The following RUNX1T1 variants were observed in gnomAD, a reference collection of about 807,000 sequenced individuals.
RUNX1T1 encodes the protein protein CBFA2T1.
A neutral mutation model predicts 62.8 loss-of-function variants in RUNX1T1; 4 were observed. The observed-to-expected ratio is 0.06, with a 90% CI of 0.03 to 0.15. RUNX1T1 has a LOEUF of 0.15. Among genes scored for constraint, RUNX1T1 ranks in the 10% least tolerant of loss-of-function variants. RUNX1T1 has a pLI of 1.00. For missense variants in RUNX1T1, 508 were observed against 754.3 expected (o/e 0.67, Z 3.82); for synonymous variants, 291 against 286.0 (o/e 1.02, Z -0.18).
Position 92,005,154 on chromosome 8 carries a change from G to A in RUNX1T1, c.621C>T (p.Leu207=), listed in dbSNP as rs373672654. 6.2e-6 allele frequency: 10 copies of A among 1,612,524 alleles called. No individual in the cohort carries two copies. The African/African-American group carries it at 9.4e-5, about 15-fold the overall frequency. The change falls in exon 5 of 11, where the codon CTC becomes CTT. Residue 207 remains leucine (L), a synonymous_variant. Coordinates refer to ENST00000396218, the Ensembl canonical transcript of RUNX1T1. The stretch of plus-strand genomic sequence containing the variant: ...GCCTCTTCCCGTTTTCGTTCACATC[G>A]AGAAGCAGCTCTGAGGAGTCAACAG...
chr8:91,987,628 C>G (rs1333161943), intron 6 of RUNX1T1, among the ~76,000 whole-genome samples: 2 of 152,044 alleles, frequency 1.3e-5, no homozygotes, highest in African/African-American at 4.8e-5. Flanking sequence ...ATCATAAATC[C>G]AAGTGAACCA....
intron 1 of RUNX1T1, among the ~76,000 whole-genome samples, chr8:92,045,996 G>T (rs987571748): frequency 6.6e-6 from 1 of 151,978 alleles, no homozygotes; most frequent in Non-Finnish European, 1.5e-5. Flanking sequence ...GTGGGTCCAA[G>T]GAAATTACTC....
intron 1 of RUNX1T1, chr8:92,095,594 G>A: frequency 1.4e-6 from 2 of 1,420,362 alleles, no homozygotes; most frequent in South Asian, 3.1e-5. Context: ...GTGAGACGGA[G>A]CGGGAGAGGG....
chr8:92,099,134 T>C (rs1347887456), intron 1 of RUNX1T1, among the ~76,000 whole-genome samples: 2 of 152,224 alleles, frequency 1.3e-5, no homozygotes, highest in Non-Finnish European at 2.9e-5. Flanking sequence ...CAAATTTGAT[T>C]TTTAAAAGGC....
chr8:92,017,717 G>A lies in RUNX1T1; in HGVS notation c.8-354C>T, dbSNP rs1298413192. The A allele has an allele frequency of 4.8e-6, 5 of 1,051,594 alleles. No individual in the cohort carries two copies. The African/African-American group carries it at 8.2e-5, about 17-fold the overall frequency. 65.1% of individuals were successfully genotyped at this position (1,051,594 alleles called of 1,614,324 possible). On this transcript the variant is annotated intron_variant, in intron 1 of 10. Coordinates refer to ENST00000396218, the Ensembl canonical transcript of RUNX1T1. ...ATAGATGAGGAAGTGGGATGATAATGAACCCCTCATGACAGCTCAGAAATA... is the reference window on the plus strand; with the variant it reads ...ATAGATGAGGAAGTGGGATGATAATAAACCCCTCATGACAGCTCAGAAATA...
At chr8:92,059,360 TA>T (rs1563868841) in intron 1 of RUNX1T1, among the ~76,000 whole-genome samples, 1 of 152,214 alleles carries the variant, frequency 6.6e-6, no homozygotes, top group East Asian at 1.9e-4. Context: ...GTTCAGTTAC[TA>T]GGGATACTAA....
At chr8:92,103,068 C>G (rs1808445319), upstream of RUNX1T1, 1 of 498,604 alleles carries the variant, frequency 2.0e-6, no homozygotes. Flanking sequence ...CCCGGCGCTG[C>G]GCAGAGAGAG....
chr8:91,971,079 C>T, intron 9 of RUNX1T1: 1 of 396,920 alleles, frequency 2.5e-6, no homozygotes, highest in Non-Finnish European at 4.5e-6. Context: ...ATAGAAGAAG[C>T]ATGACTCTCA....
chr8:91,973,013 C>T (rs925278112), intron 9 of RUNX1T1, among the ~76,000 whole-genome samples: 1 of 151,732 alleles, frequency 6.6e-6, no homozygotes, highest in African/African-American at 2.4e-5. Context: ...TTTTGGATTT[C>T]TAATCTTTAA....
chr8:92,088,817 G>C (rs1347079235), intron 1 of RUNX1T1, among the ~76,000 whole-genome samples: 1 of 152,052 alleles, frequency 6.6e-6, no homozygotes, highest in Non-Finnish European at 1.5e-5. Flanking sequence ...CCCATCTCTT[G>C]AGCTTCTTTA....
In RUNX1T1 at chr8:91,979,987, AAAAG is replaced by A. The variant is rs1264932941; in HGVS notation, c.1199-4018_1199-4015del. 7.4e-5 allele frequency: 24 copies of A among 323,856 alleles called. 1 individual carries two copies. In the Middle Eastern group the frequency reaches 3.8e-3, roughly 51 times the overall value. 20.1% of individuals were successfully genotyped at this position (323,856 alleles called of 1,614,324 possible). A position where few individuals can be genotyped will look rare whatever the true frequency, so the allele number is the denominator to read the frequency against. ...GATAATATCTATTACAAAAACCATCAAAAGAAAGAAAGAGTTAAGTAATTTTATC... is the reference window on the plus strand; with the variant it reads ...GATAATATCTATTACAAAAACCATCAAAAGAAAGAGTTAAGTAATTTTATC... On this transcript the variant is annotated intron_variant, in intron 8 of 10. Coordinates refer to ENST00000396218, the Ensembl canonical transcript of RUNX1T1.
At chr8:91,957,671 ATTAT>A (rs1809582489), downstream of RUNX1T1, 1 of 227,086 alleles carries the variant, frequency 4.4e-6, no homozygotes, top group South Asian at 1.8e-4. Context: ...CATTTTTGGG[ATTAT>A]TTAACCCTTC....
intron 1 of RUNX1T1, among the ~76,000 whole-genome samples, chr8:92,060,538 TA>T (rs1831764803): frequency 7.9e-6 from 1 of 126,886 alleles, no homozygotes; most frequent in Non-Finnish European, 1.7e-5. Flanking sequence ...TATATATATA[TA>T]TATATATATA....
At chr8:92,017,288 G>C in exon 2 of RUNX1T1, 1 of 1,614,078 alleles carries the variant, frequency 6.2e-7, no homozygotes, top group Non-Finnish European at 8.5e-7. Flanking sequence ...AGGTGGCATT[G>C]TTGGAGGAGT....
intron 1 of RUNX1T1, among the ~76,000 whole-genome samples, chr8:92,037,676 CA>C (rs1213425985): frequency 6.6e-6 from 1 of 151,206 alleles, no homozygotes; most frequent in South Asian, 2.1e-4. Flanking sequence ...GAATCCATCT[CA>C]AAAAAAATAA....
rs368844791 is a variant in RUNX1T1, at chr8:92,014,547, C to T, written c.387+32G>A. 8 of 1,565,416 alleles carry T rather than the reference C, an allele frequency of 5.1e-6. No individual in the cohort carries two copies. In the African/African-American group the frequency reaches 1.1e-4, roughly 21 times the overall value. ...CTCCCACCCACACTATCCCTTACAC[C>T]AAGAAAACTGGGTTGGTTTCCATTT... On this transcript the variant is annotated intron_variant, in intron 3 of 10. Transcript: ENST00000396218.
exon 2 of RUNX1T1, chr8:92,017,277 G>T: frequency 1.9e-6 from 3 of 1,614,098 alleles, no homozygotes; most frequent in Non-Finnish European, 2.5e-6. Context: ...GTAGTTGGGG[G>T]AGGTGGCATT....
At chr8:91,972,808 T>A (rs948746092) in intron 9 of RUNX1T1, among the ~76,000 whole-genome samples, 2 of 152,112 alleles carry the variant, frequency 1.3e-5, no homozygotes, top group Non-Finnish European at 2.9e-5. Flanking sequence ...GGTGCTTGAA[T>A]ATTTATTACC....
chr8:92,102,825 C>G (rs767363977), upstream of RUNX1T1: 11 of 1,496,598 alleles, frequency 7.3e-6, no homozygotes, highest in Middle Eastern at 1.7e-4. The surrounding 1 kb of genome is among the most constrained non-coding windows in gnomAD (Gnocchi z 4.5). Flanking sequence ...CCGCCGCCCG[C>G]CCGCCGGCCA....
Sources: gnomAD v4.1 joint callset for allele counts (sites outside exome capture counted in the v4.1 genomes callset) on GRCh38, gnomAD v4.1.1 for gene constraint, Gnocchi (gnomAD v3.1) non-coding constraint, MANE v1.5 for transcripts, NCBI Gene and HGNC (gene_info 2026-07-23, HGNC 2026-07-21) for gene names.